Variants in ZFYVE21 observed in about 807,000 individuals in gnomAD.
The protein encoded by ZFYVE21 is zinc finger FYVE-type containing 21.
ZFYVE21 carries 21 observed loss-of-function variants against 29.5 expected under a neutral mutation model. The ratio of observed to expected loss-of-function variants is 0.71; its 90% confidence interval spans 0.50 to 1.02. The LOEUF (loss-of-function observed/expected upper bound fraction) is 1.02. ZFYVE21 is among the 50% of genes least tolerant of loss of function. The probability of loss-of-function intolerance (pLI) is 0.00; values close to 1 mark genes in which losing one functional copy is unlikely to be tolerated. For missense variants in ZFYVE21, 326 were observed against 335.4 expected (o/e 0.97, Z 0.22); for synonymous variants, 151 against 133.8 (o/e 1.13, Z -0.89).
chr14:103,733,017 A>G lies in ZFYVE21; in HGVS notation c.704A>G (p.Ter235=). 2.5e-6 allele frequency: 4 copies of G among 1,614,128 alleles called. No homozygotes were observed. The highest frequency in any genetic ancestry group is 3.4e-6 in the Non-Finnish European group (4 of 1,180,044). The change falls in exon 7 of 7, where the codon TAA becomes TGA. Residue 235 remains the stop codon, a stop_retained_variant. Transcript: ENST00000311141. ...CTCCTCTATGAATCTCGGGACCAGT[A>G]ACTCTACGTGGGGCTGAGCTTGGAG... ...AKLLYESRDQ[*] is the part of the protein sequence containing the mutation.
In ZFYVE21 at chr14:103,716,865, G is replaced by A. The variant is rs1279519012; in HGVS notation, c.138+886G>A. On this transcript the variant is annotated intron_variant, in intron 1 of 6. Coordinates refer to ENST00000311141, the MANE Select transcript of ZFYVE21 (RefSeq NM_024071.4). The surrounding 1 kb of genome is among the most constrained non-coding windows in gnomAD (Gnocchi z 4.8). ...AATCCCACTGGCTGTGCGCTAACAGGTGTGTCCAGTTTCTGTTCTGTGGAT... is the reference window on the plus strand; with the variant it reads ...AATCCCACTGGCTGTGCGCTAACAGATGTGTCCAGTTTCTGTTCTGTGGAT... Among the ~76,000 whole-genome samples the A allele has an allele frequency of 2.6e-5, 4 of 152,178 alleles. No individual in the cohort carries two copies. The South Asian group carries it at 8.3e-4, about 31-fold the overall frequency.
rs760114115 is a variant in ZFYVE21 at position 103,732,574 on chromosome 14, A to T, written c.527-46A>T. The T allele has an allele frequency of 4.0e-6, 6 of 1,513,786 alleles. 1 individual carries two copies. The South Asian group carries it at 5.3e-5, about 13-fold the overall frequency. 93.8% of individuals were successfully genotyped at this position (1,513,786 alleles called of 1,614,324 possible). A position where few individuals can be genotyped will look rare whatever the true frequency, so the allele number is the denominator to read the frequency against. On this transcript the variant is annotated intron_variant, in intron 5 of 6. Transcript: ENST00000311141. Reference sequence around the variant, plus strand: ...CCTTGGGGCTGGTGGCCGCCTGGGCACTCAGGGCCTCCTTTGGGCCGTCTT... The same window carrying T: ...CCTTGGGGCTGGTGGCCGCCTGGGCTCTCAGGGCCTCCTTTGGGCCGTCTT...
chr14:103,723,487 T>C (rs563455137), intron 1 of ZFYVE21, among the ~76,000 whole-genome samples: 1 of 152,320 alleles, frequency 6.6e-6, no homozygotes, highest in East Asian at 1.9e-4. Flanking sequence ...AGGAAGCAGC[T>C]TAAAAGCAAA....
chr14:103,729,591 T>G (rs866734904), intron 5 of ZFYVE21: 1 of 673,644 alleles, frequency 1.5e-6, no homozygotes, highest in South Asian at 1.9e-5. Flanking sequence ...CTGTGCAGAC[T>G]AAACCCCTGG....
intron 1 of ZFYVE21, among the ~76,000 whole-genome samples, chr14:103,721,692 C>T (rs1164279470): frequency 6.6e-6 from 1 of 152,256 alleles, no homozygotes; most frequent in Non-Finnish European, 1.5e-5. Context: ...CCTCACTCTC[C>T]CTCTTCATCT....
intron 1 of ZFYVE21, chr14:103,724,473 CT>C (rs913628866): frequency 6.6e-6 from 1 of 152,290 alleles, no homozygotes; most frequent in Non-Finnish European, 1.5e-5. Flanking sequence ...CTGTGGCCAC[CT>C]CCAGTCTGCC....
chr14:103,717,629 A>G (rs1396895961), intron 1 of ZFYVE21, among the ~76,000 whole-genome samples: 1 of 152,126 alleles, frequency 6.6e-6, no homozygotes, highest in Non-Finnish European at 1.5e-5. Flanking sequence ...CTTCCGACTG[A>G]GTGGAGTTGA....
intron 5 of ZFYVE21, 149 bp from the exon 6 acceptor site, chr14:103,732,471 C>T: frequency 1.1e-6 from 1 of 925,038 alleles, no homozygotes; most frequent in Non-Finnish European, 1.5e-6. Flanking sequence ...GATGGTGTTC[C>T]CTGGGTGCTC....
chr14:103,727,401 G>A, intron 2 of ZFYVE21: 2 of 340,162 alleles, frequency 5.9e-6, no homozygotes, highest in South Asian at 2.1e-5. Context: ...TCCCCGTGCC[G>A]CTTTGCCCTC....
chr14:103,729,277 C>T lies in ZFYVE21; in HGVS notation c.526+95C>T, dbSNP rs1595692523. 3 of 1,254,602 alleles carry T rather than the reference C, an allele frequency of 2.4e-6. No individual in the cohort carries two copies. The East Asian group carries it at 7.2e-5, about 30-fold the overall frequency. The allele number at this position is 1,254,602 out of a possible 1,614,324, so 77.7% of individuals were successfully genotyped here. A position where few individuals can be genotyped will look rare whatever the true frequency, so the allele number is the denominator to read the frequency against. On this transcript the variant is annotated intron_variant, in intron 5 of 6. Coordinates refer to ENST00000311141, the MANE Select transcript of ZFYVE21 (RefSeq NM_024071.4). ...GCACTTTTGGGATCAGGCAGCTGCC[C>T]TGAGGAGTGGGGTCTGCTGGGTTTC...
intron 2 of ZFYVE21, 144 bp downstream of exon 2, chr14:103,726,986 C>A (rs543412168): frequency 3.8e-6 from 3 of 786,176 alleles, no homozygotes; most frequent in Non-Finnish European, 5.7e-6. Flanking sequence ...GCTCTTGTCG[C>A]CCAGGCTGGA....
At chr14:103,729,713 C>T in intron 5 of ZFYVE21, 1 of 1,490,602 alleles carries the variant, frequency 6.7e-7, no homozygotes, top group Non-Finnish European at 9.0e-7. Flanking sequence ...TGTGCCGTAA[C>T]CCATGTTGCT....
In ZFYVE21 at chr14:103,732,698, C is replaced by T; in HGVS notation, c.605C>T (p.Thr202Ile). The T allele has an allele frequency of 6.2e-7, 1 of 1,613,530 alleles. No individual in the cohort carries two copies. The highest frequency in any genetic ancestry group is 8.5e-7 in the Non-Finnish European group (1 of 1,179,788). The change falls in exon 6 of 7, where the codon ACA becomes ATA. Residue 202 changes from threonine to isoleucine, a missense_variant. By Grantham distance (89) the Thr-to-Ile change is moderately conservative. Transcript: ENST00000311141. ...GAGGGTGTGACCCAGCTGAAGCTGA[C>T]AGTGGTGGAGGACGTGACTGTGGGC... ...GTEGVTQLKL[T>I]VVEDVTVGRR...
chr14:103,729,531 G>C (rs1330771397), intron 5 of ZFYVE21: 3 of 585,052 alleles, frequency 5.1e-6, no homozygotes, highest in Non-Finnish European at 9.0e-6. Context: ...AAAAAGGTCT[G>C]AATGGTGGCT....
Position 103,733,310 on chromosome 14 carries a change from C to A in ZFYVE21, c.*292C>A. 1 of 362,784 alleles carries A rather than the reference C, an allele frequency of 2.8e-6. No homozygotes were observed. Among genetic ancestry groups the A allele is most frequent in the South Asian group, 3.8e-5 (1 of 26,256 alleles). The allele number at this position is 362,784 out of a possible 1,614,324, so 22.5% of individuals were successfully genotyped here. A position where few individuals can be genotyped will look rare whatever the true frequency, so the allele number is the denominator to read the frequency against. On this transcript the variant is annotated 3_prime_UTR_variant, in exon 7 of 7. Coordinates refer to ENST00000311141, the MANE Select transcript of ZFYVE21 (RefSeq NM_024071.4). ...TAAACTATTTTTAGCATAATATATA[C>A]CATTTTTATGAGTTCGCAGGTCTAC...
Position 103,732,929 on chromosome 14 carries a change from C to T in ZFYVE21, c.670-54C>T, listed in dbSNP as rs563852598. ...CCTGAAATGCACACAGGCTTGGCTCCACCAGGCACAGGACCAAGCAGGCCT... is the reference window on the plus strand; with the variant it reads ...CCTGAAATGCACACAGGCTTGGCTCTACCAGGCACAGGACCAAGCAGGCCT... On this transcript the variant is annotated intron_variant, in intron 6 of 6. Transcript: ENST00000311141. 221 of 1,613,636 alleles carry T rather than the reference C, an allele frequency of 1.4e-4. 2 individuals are homozygous for T. In the South Asian group the frequency reaches 1.7e-3, roughly 13 times the overall value.
In ZFYVE21 at chr14:103,716,025, C is replaced by CCCCGG. The variant is rs2083802300; in HGVS notation, c.138+55_138+59dup. 1.7e-6 allele frequency: 2 copies of CCCCGG among 1,189,626 alleles called. No individual in the cohort carries two copies. Among genetic ancestry groups the CCCCGG allele is most frequent in the Non-Finnish European group, 1.0e-6 (1 of 957,978 alleles). 73.7% of individuals were successfully genotyped at this position (1,189,626 alleles called of 1,614,324 possible). A position where few individuals can be genotyped will look rare whatever the true frequency, so the allele number is the denominator to read the frequency against. ...CCAGCGCCTCCGACCCGCCCCGCCG[C>CCCCGG]CCCGGCCCGGCCCCGCGGGCTTCCA... On this transcript the variant is annotated intron_variant, in intron 1 of 6. Transcript: ENST00000311141. The surrounding 1 kb of genome is among the most constrained non-coding windows in gnomAD (Gnocchi z 4.8).
chr14:103,732,365 G>GTTGT (rs1258531655), intron 5 of ZFYVE21: 3 of 375,924 alleles, frequency 8.0e-6, no homozygotes, highest in Non-Finnish European at 1.4e-5. Context: ...TGTGGCTCTT[G>GTTGT]TTGTTTGTCC....
At chr14:103,717,378 C>T (rs530756748) in intron 1 of ZFYVE21, among the ~76,000 whole-genome samples, 7 of 152,274 alleles carry the variant, frequency 4.6e-5, no homozygotes, top group Admixed American at 1.3e-4. Flanking sequence ...CTGTATGAAC[C>T]GTAAGGAGCA....
Sources: gnomAD v4.1 joint callset for allele counts (sites outside exome capture counted in the v4.1 genomes callset) on GRCh38, gnomAD v4.1.1 for gene constraint, Gnocchi (gnomAD v3.1) non-coding constraint, MANE v1.5 for transcripts, NCBI Gene and HGNC (gene_info 2026-07-23, HGNC 2026-07-21) for gene names.